The following ORC5 variants were observed in gnomAD, a reference collection of about 807,000 sequenced individuals.
ORC5 encodes the protein origin recognition complex subunit 5, also known as protein phosphatase 1, regulatory subunit 117.
In ORC5, 39 loss-of-function variants were observed where a neutral mutation model predicts 58.8. The observed-to-expected ratio is 0.66, with a 90% CI of 0.51 to 0.87. ORC5 has a LOEUF of 0.87. Ranked by LOEUF, ORC5 falls within the 40% of genes least tolerant of loss-of-function variation. The pLI, the probability that ORC5 is intolerant of heterozygous loss-of-function variation, is 0.00. For missense variants in ORC5, 493 were observed against 506.3 expected, an observed-to-expected ratio of 0.97 and a Z score of 0.25; for synonymous variants, 218 against 177.6, an observed-to-expected ratio of 1.23 and a Z score of -1.81.
chr7:104,200,230 T>A (rs1799905983), intron 3 of ORC5, among the ~76,000 whole-genome samples: 1 of 152,222 alleles, frequency 6.6e-6, no homozygotes, highest in Non-Finnish European at 1.5e-5. Context: ...CTATCTCCTA[T>A]CCACTCCCTA....
intron 12 of ORC5, among the ~76,000 whole-genome samples, chr7:104,156,213 G>A (rs1007769797): frequency 7.9e-5 from 12 of 151,350 alleles, no homozygotes; most frequent in Non-Finnish European, 8.9e-5. Context: ...CTGCAAAATT[G>A]TACTAAAGGT....
intron 8 of ORC5, among the ~76,000 whole-genome samples, chr7:104,171,304 C>G (rs185910843): frequency 2.0e-5 from 3 of 152,214 alleles, no homozygotes; most frequent in Admixed American, 1.3e-4. Context: ...CATGGCTTTT[C>G]CATGTTGTCT....
chr7:104,143,787 T>A (rs77370495), intron 12 of ORC5, among the ~76,000 whole-genome samples: 4,950 of 152,136 alleles, frequency 0.033, 137 homozygotes, highest in South Asian at 0.11. Flanking sequence ...TACACAAATA[T>A]ACAAATAATA....
chr7:104,173,630 TAA>T (rs1386097581), intron 8 of ORC5, among the ~76,000 whole-genome samples: 1 of 152,214 alleles, frequency 6.6e-6, no homozygotes, highest in African/African-American at 2.4e-5. Context: ...GGCACCTTAA[TAA>T]AGGGCCTTGC....
intron 12 of ORC5, among the ~76,000 whole-genome samples, chr7:104,158,076 G>C (rs942100211): frequency 1.3e-5 from 2 of 151,946 alleles, no homozygotes; most frequent in African/African-American, 4.8e-5. Flanking sequence ...ATGTAAATGA[G>C]AAATATTTAA....
At chr7:104,140,229 T>C (rs951210367) in intron 12 of ORC5, among the ~76,000 whole-genome samples, 1 of 152,138 alleles carries the variant, frequency 6.6e-6, no homozygotes, top group African/African-American at 2.4e-5. Context: ...CTGACAACTT[T>C]TACCTTTCAT....
At chr7:104,143,696 A>G (rs1288964773) in intron 12 of ORC5, among the ~76,000 whole-genome samples, 1 of 152,166 alleles carries the variant, frequency 6.6e-6, no homozygotes, top group Non-Finnish European at 1.5e-5. Context: ...CATTAAAAAA[A>G]CTCATTTCAG....
In ORC5 at chr7:104,171,851, T is replaced by C. The variant is rs1320632237; in HGVS notation, c.825-3326A>G. On this transcript the variant is annotated intron_variant, in intron 8 of 13. Transcript: ENST00000297431. Reference sequence around the variant, plus strand: ...GCCTGGACGAGACAATGGGACCCTGTCTCAAAAAAACAAAAAAACAAAAAA... The same window carrying C: ...GCCTGGACGAGACAATGGGACCCTGCCTCAAAAAAACAAAAAAACAAAAAA... Among the ~76,000 whole-genome samples, 3 of 152,102 alleles carry C rather than the reference T, an allele frequency of 2.0e-5. No individual in the cohort carries two copies. In the East Asian group the frequency reaches 5.8e-4, roughly 29 times the overall value.
chr7:104,168,212 G>T, intron 9 of ORC5: 3 of 952,922 alleles, frequency 3.1e-6, no homozygotes, highest in Non-Finnish European at 4.1e-6. Context: ...AGCATTTAAA[G>T]AAATAGAAAC....
intron 12 of ORC5, among the ~76,000 whole-genome samples, chr7:104,144,258 T>C (rs949695429): frequency 1.3e-5 from 2 of 152,216 alleles, no homozygotes; most frequent in Admixed American, 1.3e-4. Context: ...AGTCAACATT[T>C]TGAATCTCAA....
Position 104,188,324 on chromosome 7 carries a change from T to G in ORC5, c.611A>C (p.Tyr204Ser), listed in dbSNP as rs200056525. Residue 204 changes from tyrosine to serine, a missense_variant, in exon 6 of 14, where the codon TAT becomes TCT. Transcript: ENST00000297431. ...DHPPEYSADF[Y>S]AAYINILLGV... is the part of the protein sequence containing the mutation. The stretch of plus-strand genomic sequence containing the variant: ...AAGAAGAATGTTAATGTAGGCAGCA[T>G]AGAAATCAGCTGAATACTCTGGAGG... 1.9e-6 allele frequency: 3 copies of G among 1,612,044 alleles called. No individual in the cohort carries two copies. The highest frequency in any genetic ancestry group is 2.5e-6 in the Non-Finnish European group (3 of 1,178,518).
At chr7:104,164,867 C>T (rs775075504) in intron 11 of ORC5, among the ~76,000 whole-genome samples, 13 of 152,138 alleles carry the variant, frequency 8.5e-5, no homozygotes, top group Non-Finnish European at 1.5e-4. Flanking sequence ...TTCTGGGGGT[C>T]TCTCATCTGC....
chr7:104,183,986 A>C lies in ORC5; in HGVS notation c.781T>G (p.Leu261Val). 1 of 1,613,776 alleles carries C rather than the reference A, an allele frequency of 6.2e-7. No individual in the cohort carries two copies. The change falls in exon 8 of 14, where the codon TTG becomes GTG. Residue 261 changes from leucine (L) to valine (V), a missense_variant. Leu to Val is a conservative substitution (Grantham distance 32). Transcript: ENST00000297431. ...RKLWRNIEPH[L>V]KKAMQTVYLR... The stretch of plus-strand genomic sequence containing the variant: ...TAAACAGTCTGCATAGCTTTCTTCA[A>C]ATGAGGTTCAATATTTCTCCACAGT...
At chr7:104,189,936 T>C (rs1478602403) in intron 5 of ORC5, among the ~76,000 whole-genome samples, 5 of 152,154 alleles carry the variant, frequency 3.3e-5, no homozygotes, top group African/African-American at 1.2e-4. Flanking sequence ...GAAATGCTAA[T>C]ATTCTTGTAG....
At chr7:104,196,456 G>A (rs1291102478) in intron 4 of ORC5, among the ~76,000 whole-genome samples, 4 of 152,210 alleles carry the variant, frequency 2.6e-5, no homozygotes, top group Non-Finnish European at 5.9e-5. Flanking sequence ...GCAAGACTGT[G>A]TGAGGTTAAC....
chr7:104,188,459 G>A (rs931976773), intron 5 of ORC5, 78 bp from the exon 6 acceptor site: 4 of 1,096,428 alleles, frequency 3.6e-6, no homozygotes, highest in Admixed American at 2.4e-5. Context: ...TATAACAAAG[G>A]TATTAAAAAA....
intron 12 of ORC5, among the ~76,000 whole-genome samples, chr7:104,141,348 C>T (rs1030873363): frequency 6.6e-6 from 1 of 152,152 alleles, no homozygotes; most frequent in African/African-American, 2.4e-5. Flanking sequence ...ATCCAATTAC[C>T]TCATTCCCAC....
chr7:104,194,695 T>C (rs1291937557), intron 5 of ORC5, among the ~76,000 whole-genome samples: 1 of 152,116 alleles, frequency 6.6e-6, no homozygotes, highest in Non-Finnish European at 1.5e-5. Context: ...TCAACACTCT[T>C]AATATGCTTT....
In ORC5 at chr7:104,188,245, A is replaced by G; in HGVS notation, c.684+6T>C. ...ATATATATATTCAAGCAAAATGTTC[A>G]TTTACCAGATGTCTGAGCTCTTTCA... On this transcript the variant is annotated splice_donor_region_variant and intron_variant, in intron 6 of 13. Coordinates refer to ENST00000297431, the MANE Select transcript of ORC5 (RefSeq NM_002553.4). 1.2e-6 allele frequency: 2 copies of G among 1,605,904 alleles called. No individual in the cohort carries two copies. Among genetic ancestry groups the G allele is most frequent in the Non-Finnish European group, 1.7e-6 (2 of 1,174,040 alleles).
Sources: gnomAD v4.1 joint callset for allele counts (sites outside exome capture counted in the v4.1 genomes callset) on GRCh38, gnomAD v4.1.1 for gene constraint, MANE v1.5 for transcripts, NCBI Gene and HGNC (gene_info 2026-07-23, HGNC 2026-07-21) for gene names.